Variants in SNX30 observed in about 807,000 individuals in gnomAD.
SNX30 encodes sorting nexin family member 30.
SNX30 carries 24 observed loss-of-function variants against 46.4 expected under a neutral mutation model. That is an observed-to-expected ratio of 0.52 (90% CI 0.37 to 0.73). The LOEUF is 0.73. Among genes scored for constraint, SNX30 ranks in the 30% least tolerant of loss-of-function variants. The probability of loss-of-function intolerance (pLI) is 0.00; values close to 1 mark genes in which losing one functional copy is unlikely to be tolerated. For synonymous variants in SNX30, 189 were observed against 211.5 expected, an observed-to-expected ratio of 0.89 and a Z score of 0.92; for missense variants, 533 against 555.7, an observed-to-expected ratio of 0.96 and a Z score of 0.41.
At chr9:112,810,912 A>G (rs914028040) in intron 2 of SNX30, among the ~76,000 whole-genome samples, 3 of 151,848 alleles carry the variant, frequency 2.0e-5, no homozygotes, top group Non-Finnish European at 2.9e-5. Flanking sequence ...GTGTGGAACG[A>G]GGAGCATGTC....
chr9:112,841,014 G>A (rs896325831), intron 6 of SNX30, among the ~76,000 whole-genome samples: 7 of 151,912 alleles, frequency 4.6e-5, no homozygotes, highest in Non-Finnish European at 8.8e-5. Flanking sequence ...CGCCCGCCTC[G>A]GCCTCCCAAA....
chr9:112,853,841 G>T (rs763085829), intron 7 of SNX30, among the ~76,000 whole-genome samples: 2 of 152,206 alleles, frequency 1.3e-5, no homozygotes. Context: ...TCACTACACA[G>T]TGTGTACATG....
intron 5 of SNX30, 77 bp from the exon 6 acceptor site, chr9:112,838,421 C>T: frequency 8.0e-7 from 1 of 1,247,004 alleles, no homozygotes; most frequent in East Asian, 2.3e-5. Context: ...GAGCTCTTGG[C>T]TGTGGTGATT....
At chr9:112,847,989 C>T (rs1343033338) in intron 6 of SNX30, among the ~76,000 whole-genome samples, 1 of 152,164 alleles carries the variant, frequency 6.6e-6, no homozygotes, top group Non-Finnish European at 1.5e-5. Flanking sequence ...GATTTGTTCT[C>T]TGCTGTATCC....
At chr9:112,781,549 C>A (rs1006181719) in intron 1 of SNX30, among the ~76,000 whole-genome samples, 3 of 152,136 alleles carry the variant, frequency 2.0e-5, no homozygotes, top group Admixed American at 2.0e-4. Context: ...CAGACTAAGG[C>A]CAAAAGGGTG....
At chr9:112,813,300 CA>C (rs35185919) in intron 2 of SNX30, among the ~76,000 whole-genome samples, 23,595 of 150,994 alleles carry the variant, frequency 0.16, 2,119 homozygotes, top group Admixed American at 0.23. Flanking sequence ...CCTATCTCTA[CA>C]AAAAAAACAA....
chr9:112,832,455 AGAGAGTGTGTGTGTGT>A (rs1486423285), intron 4 of SNX30, among the ~76,000 whole-genome samples: 3 of 122,042 alleles, frequency 2.5e-5, no homozygotes, highest in Admixed American at 8.5e-5. Context: ...AGAGAGAGAG[AGAGAGTGTGTGTGTGT>A]GTGTGTGTGT....
intron 4 of SNX30, among the ~76,000 whole-genome samples, chr9:112,832,927 A>G (rs1357732752): frequency 1.3e-5 from 2 of 150,250 alleles, no homozygotes; most frequent in East Asian, 3.9e-4. Flanking sequence ...CCGACTCCAT[A>G]TGAGTGAATA....
chr9:112,787,935 T>A (rs1399040570), intron 1 of SNX30, among the ~76,000 whole-genome samples: 1 of 152,058 alleles, frequency 6.6e-6, no homozygotes, highest in East Asian at 1.9e-4. Flanking sequence ...TAGCTGGGAC[T>A]ACAGACGCAT....
chr9:112,796,570 T>G (rs991549960), intron 1 of SNX30, among the ~76,000 whole-genome samples: 62 of 152,298 alleles, frequency 4.1e-4, no homozygotes, highest in African/African-American at 1.4e-3. Flanking sequence ...CCATCTGCCC[T>G]GTAGTCAGAA....
chr9:112,828,397 T>C (rs1840609570), intron 3 of SNX30, among the ~76,000 whole-genome samples: 1 of 152,200 alleles, frequency 6.6e-6, no homozygotes, highest in Admixed American at 6.5e-5. Context: ...AGCCGCACCA[T>C]CTAGGTTTGT....
At chr9:112,814,089 C>A (rs1564277720) in intron 2 of SNX30, among the ~76,000 whole-genome samples, 1 of 151,866 alleles carries the variant, frequency 6.6e-6, no homozygotes, top group African/African-American at 2.4e-5. Context: ...TTACTGAAGA[C>A]CCCAAAAGTA....
intron 4 of SNX30, among the ~76,000 whole-genome samples, chr9:112,833,071 A>G (rs1006692916): frequency 2.6e-5 from 4 of 152,034 alleles, no homozygotes; most frequent in Non-Finnish European, 5.9e-5. Flanking sequence ...AACATTTACT[A>G]TCCTAACAAT....
At chr9:112,830,114 A>G (rs1414505447) in intron 3 of SNX30, among the ~76,000 whole-genome samples, 1 of 152,224 alleles carries the variant, frequency 6.6e-6, no homozygotes, top group African/African-American at 2.4e-5. Flanking sequence ...TAAATTGCCC[A>G]CAGTATTGAC....
intron 1 of SNX30, among the ~76,000 whole-genome samples, chr9:112,760,166 G>C (rs1000746856): frequency 6.6e-6 from 1 of 152,234 alleles, no homozygotes; most frequent in Non-Finnish European, 1.5e-5. Context: ...GTAGCAGGAA[G>C]TTGCTGTTAC....
intron 6 of SNX30, among the ~76,000 whole-genome samples, chr9:112,839,187 G>A (rs1207448418): frequency 2.6e-5 from 4 of 152,228 alleles, no homozygotes; most frequent in Admixed American, 6.5e-5. Flanking sequence ...ACTGATAAGA[G>A]TTCCTGAGAG....
downstream of SNX30, among the ~76,000 whole-genome samples, chr9:112,876,454 A>T (rs1296747083): frequency 6.6e-6 from 1 of 152,140 alleles, no homozygotes; most frequent in Non-Finnish European, 1.5e-5. Flanking sequence ...TACAAAAATT[A>T]AAAATCAAAA....
At chr9:112,782,176 C>A (rs549453562) in intron 1 of SNX30, among the ~76,000 whole-genome samples, 1 of 152,112 alleles carries the variant, frequency 6.6e-6, no homozygotes, top group African/African-American at 2.4e-5. Flanking sequence ...AAGAGATTCT[C>A]CTGCCTCAGC....
At chr9:112,864,225 C>CATGTGTGCCTCCCTTTTCCAG in intron 7 of SNX30, 22 bp from the exon 8 acceptor site, 1 of 1,612,884 alleles carries the variant, frequency 6.2e-7, no homozygotes, top group South Asian at 1.1e-5. Context: ...GCAGGGCACC[C>CATGTGTGCCTCCCTTTTCCAG]ATGTGTGCCT....
Sources: allele counts gnomAD v4.1 joint callset (sites outside exome capture counted in the v4.1 genomes callset), GRCh38; gene constraint gnomAD v4.1.1; transcripts MANE v1.5; gene names NCBI Gene and HGNC (gene_info 2026-07-23, HGNC 2026-07-21).